The following NDUFAF2 variants were observed in gnomAD, a reference collection of about 807,000 sequenced individuals.
NDUFAF2 encodes NADH:ubiquinone oxidoreductase complex assembly factor 2.
NDUFAF2 carries 13 observed loss-of-function variants against 22.8 expected under a neutral mutation model. The ratio of observed to expected loss-of-function variants is 0.57; its 90% confidence interval spans 0.37 to 0.91. The LOEUF is 0.91. Among genes scored for constraint, NDUFAF2 ranks in the 40% least tolerant of loss-of-function variants. The probability of loss-of-function intolerance (pLI) is 0.01; values close to 1 mark genes in which losing one functional copy is unlikely to be tolerated. For synonymous variants in NDUFAF2, 53 were observed against 64.2 expected, an observed-to-expected ratio of 0.83 and a Z score of 0.84; for missense variants, 162 against 195.2, an observed-to-expected ratio of 0.83 and a Z score of 1.01.
intron 3 of NDUFAF2, among the ~76,000 whole-genome samples, chr5:61,148,050 CAA>C (rs972743764): frequency 4.6e-5 from 7 of 152,344 alleles, no homozygotes; most frequent in African/African-American, 1.7e-4. Context: ...GCTGAACACT[CAA>C]GTGGGTTACT....
At position 61,124,530 on chromosome 5, in the gene NDUFAF2, C is replaced by T. The variant is rs1167827961; in HGVS notation, c.258+25498C>T. 2.6e-5 allele frequency among the ~76,000 whole-genome samples: 4 copies of T among 152,028 alleles called. No individual in the cohort carries two copies. The East Asian group carries it at 7.7e-4, about 29-fold the overall frequency. ...ATTTCTCTTAGTTACTAATATTTCT[C>T]ATCTTTGATCTAGACTGTCTAGTCC... On this transcript the variant is annotated intron_variant, in intron 3 of 3. Coordinates refer to ENST00000296597, the MANE Select transcript of NDUFAF2 (RefSeq NM_174889.5).
intron 1 of NDUFAF2, among the ~76,000 whole-genome samples, chr5:61,048,749 C>T (rs973312523): frequency 6.6e-6 from 1 of 151,984 alleles, no homozygotes; most frequent in Non-Finnish European, 1.5e-5. Context: ...AGTGAAGAAC[C>T]ACCATTCCTC....
intron 1 of NDUFAF2, among the ~76,000 whole-genome samples, chr5:60,960,423 CT>C (rs1750669178): frequency 6.6e-6 from 1 of 152,158 alleles, no homozygotes; most frequent in Non-Finnish European, 1.5e-5. Flanking sequence ...AATTTGCATT[CT>C]TTTTGTGTAA....
At chr5:61,134,833 T>C (rs1252646482) in intron 3 of NDUFAF2, among the ~76,000 whole-genome samples, 1 of 152,172 alleles carries the variant, frequency 6.6e-6, no homozygotes, top group Admixed American at 6.5e-5. Flanking sequence ...TGTACATCAG[T>C]GAGTGTATTC....
chr5:61,007,171 T>G (rs1479470981), intron 1 of NDUFAF2, among the ~76,000 whole-genome samples: 4 of 152,010 alleles, frequency 2.6e-5, no homozygotes, highest in African/African-American at 9.7e-5. Flanking sequence ...TTTTGGTGTT[T>G]TAGACATGAA....
intron 1 of NDUFAF2, among the ~76,000 whole-genome samples, chr5:60,945,778 C>T (rs1750437056): frequency 6.6e-6 from 1 of 152,178 alleles, no homozygotes; most frequent in South Asian, 2.1e-4. Context: ...GCTAGAAGGG[C>T]CAGGGGAGGG....
intron 1 of NDUFAF2, among the ~76,000 whole-genome samples, chr5:61,036,180 C>T (rs933917458): frequency 6.6e-6 from 1 of 152,216 alleles, no homozygotes; most frequent in Non-Finnish European, 1.5e-5. Flanking sequence ...CAGACCCTAG[C>T]CACTTGACCC....
At chr5:61,041,594 A>G (rs1220479555) in intron 1 of NDUFAF2, among the ~76,000 whole-genome samples, 1 of 152,204 alleles carries the variant, frequency 6.6e-6, no homozygotes, top group Non-Finnish European at 1.5e-5. Flanking sequence ...AGACTTAACT[A>G]TGTGACTCTT....
chr5:60,979,998 T>C (rs1226719685), intron 1 of NDUFAF2, among the ~76,000 whole-genome samples: 2 of 152,116 alleles, frequency 1.3e-5, no homozygotes, highest in East Asian at 3.9e-4. Context: ...AGGACGAAAA[T>C]GTCTGCCAGG....
At chr5:60,974,332 G>T (rs1019516674) in intron 1 of NDUFAF2, among the ~76,000 whole-genome samples, 4 of 152,132 alleles carry the variant, frequency 2.6e-5, no homozygotes, top group Non-Finnish European at 5.9e-5. Context: ...GGGCTTTTGG[G>T]CCTTTGCCAC....
chr5:61,112,404 G>C (rs1023336821), intron 3 of NDUFAF2, among the ~76,000 whole-genome samples: 1 of 151,826 alleles, frequency 6.6e-6, no homozygotes, highest in Non-Finnish European at 1.5e-5. Flanking sequence ...AGTAGAGATG[G>C]TGTTTCACCA....
intron 3 of NDUFAF2, among the ~76,000 whole-genome samples, chr5:61,121,593 G>A (rs977047198): frequency 1.3e-5 from 2 of 152,062 alleles, no homozygotes; most frequent in African/African-American, 2.4e-5. Flanking sequence ...TGTCAACTTG[G>A]CTAGACTGTG....
intron 1 of NDUFAF2, among the ~76,000 whole-genome samples, chr5:60,986,011 G>A (rs189988958): frequency 1.3e-5 from 2 of 152,350 alleles, no homozygotes; most frequent in South Asian, 2.1e-4. Context: ...TGGTGAGGAT[G>A]TGAAGAAAAG....
intron 1 of NDUFAF2, among the ~76,000 whole-genome samples, chr5:61,013,527 C>T (rs1348393143): frequency 6.6e-6 from 1 of 152,012 alleles, no homozygotes; most frequent in Non-Finnish European, 1.5e-5. Flanking sequence ...TTTTATTGGA[C>T]ATCTGCCTGA....
chr5:60,993,780 G>A (rs1159802181), intron 1 of NDUFAF2, among the ~76,000 whole-genome samples: 4 of 152,214 alleles, frequency 2.6e-5, no homozygotes, highest in Admixed American at 2.0e-4. Flanking sequence ...CCTCTTTGCA[G>A]CTTGTTGTCC....
At chr5:61,123,932 G>A (rs1753005387) in intron 3 of NDUFAF2, among the ~76,000 whole-genome samples, 1 of 152,026 alleles carries the variant, frequency 6.6e-6, no homozygotes, top group Admixed American at 6.6e-5. Context: ...TTTAAATAAA[G>A]GGACTCTTTG....
rs1752323931 is a variant in NDUFAF2 at position 61,073,211 on chromosome 5, G to A, written c.214G>A (p.Glu72Lys). The A allele has an allele frequency of 6.2e-7, 1 of 1,608,516 alleles. No homozygotes were observed. Among genetic ancestry groups the A allele is most frequent in the African/African-American group, 1.3e-5 (1 of 74,932 alleles). Reference protein sequence around the residue: ...YEAGDIPTEWEAWIRRTRKTP... With the variant: ...YEAGDIPTEWKAWIRRTRKTP... ...AGCAGGGGATATTCCAACAGAATGG[G>A]AAGGTAAGTTTCTGCTTTTAGTAGA... The change falls in exon 2 of 4, where the codon GAA (glutamate) becomes AAA (lysine). Residue 72 changes from glutamate (E) to lysine (K), a missense_variant. Glu to Lys is a moderately conservative substitution (Grantham distance 56). Coordinates refer to ENST00000296597, the MANE Select transcript of NDUFAF2 (RefSeq NM_174889.5).
At chr5:61,040,284 ACACG>A (rs1196385774) in intron 1 of NDUFAF2, among the ~76,000 whole-genome samples, 49 of 87,246 alleles carry the variant, frequency 5.6e-4, no homozygotes, top group African/African-American at 2.3e-3. Flanking sequence ...ACACACACAC[ACACG>A]CGCGCGCGCG....
intron 2 of NDUFAF2, among the ~76,000 whole-genome samples, chr5:61,091,511 G>A (rs957378413): frequency 6.6e-6 from 1 of 151,910 alleles, no homozygotes; most frequent in African/African-American, 2.4e-5. Context: ...CTTTTTAATG[G>A]GGTTGTTTAT....
Sources: allele counts gnomAD v4.1 joint callset (sites outside exome capture counted in the v4.1 genomes callset), GRCh38; gene constraint gnomAD v4.1.1; transcripts MANE v1.5; gene names NCBI Gene and HGNC (gene_info 2026-07-23, HGNC 2026-07-21).